Variants in FAM168A observed in about 807,000 individuals in gnomAD.
FAM168A encodes the protein family with sequence similarity 168 member A.
FAM168A carries 3 observed loss-of-function variants against 28.5 expected under a neutral mutation model. The observed-to-expected ratio is 0.11, with a 90% CI of 0.05 to 0.27. The LOEUF (loss-of-function observed/expected upper bound fraction) is 0.27. Ranked by LOEUF, FAM168A falls within the 10% of genes least tolerant of loss-of-function variation. The pLI is 1.00. For synonymous variants in FAM168A, 122 were observed against 124.2 expected (o/e 0.98, Z 0.12); for missense variants, 222 against 311.5 (o/e 0.71, Z 2.16).
chr11:73,534,748 T>C lies in FAM168A; in HGVS notation c.-19+63175A>G, dbSNP rs576861838. 3.3e-5 allele frequency among the ~76,000 whole-genome samples: 5 copies of C among 152,282 alleles called. No homozygotes were observed. In the South Asian group the frequency reaches 6.2e-4, roughly 19 times the overall value. On this transcript the variant is annotated intron_variant, in intron 1 of 7. Coordinates refer to ENST00000356467, the MANE Select transcript of FAM168A (RefSeq NM_015159.3). ...AGAAAGCATGCTAAAATCAGGGGAA[T>C]TGATTACATGAAAATCTGTCTGAGA...
At chr11:73,517,036 G>A (rs747354681) in intron 1 of FAM168A, among the ~76,000 whole-genome samples, 1 of 152,122 alleles carries the variant, frequency 6.6e-6, no homozygotes, top group Non-Finnish European at 1.5e-5. Flanking sequence ...GTAGACAAGA[G>A]CATGTAGTAA....
chr11:73,505,243 A>G (rs1855086011), intron 1 of FAM168A, among the ~76,000 whole-genome samples: 1 of 124,306 alleles, frequency 8.0e-6, no homozygotes. Flanking sequence ...GCAAAAAGGA[A>G]AAAAAAAAAA....
At chr11:73,538,029 C>G (rs1033458658) in intron 1 of FAM168A, among the ~76,000 whole-genome samples, 1 of 152,084 alleles carries the variant, frequency 6.6e-6, no homozygotes, top group African/African-American at 2.4e-5. Context: ...CTCACTGTAA[C>G]CTTGGGAAAG....
chr11:73,491,024 T>C (rs942027204), intron 1 of FAM168A, among the ~76,000 whole-genome samples: 1 of 152,200 alleles, frequency 6.6e-6, no homozygotes, highest in Admixed American at 6.5e-5. Context: ...TTATACATAA[T>C]GAAAGCTCCC....
intron 1 of FAM168A, among the ~76,000 whole-genome samples, chr11:73,547,957 T>C (rs1407173352): frequency 6.6e-6 from 1 of 152,144 alleles, no homozygotes; most frequent in East Asian, 1.9e-4. Flanking sequence ...TCGAAGATAT[T>C]ATACCAAGTG....
rs189033594 is a variant in FAM168A, at chr11:73,511,839, T to C, written c.-18-43347A>G. On this transcript the variant is annotated intron_variant, in intron 1 of 7. Transcript: ENST00000356467. Reference sequence around the variant, plus strand: ...TAGCCTGAGAATCAAATAAGATACATGAGAAGCACATTTCAGCCACTCTGT... The same window carrying C: ...TAGCCTGAGAATCAAATAAGATACACGAGAAGCACATTTCAGCCACTCTGT... Among the ~76,000 whole-genome samples the C allele has an allele frequency of 2.9e-3, 440 of 152,332 alleles. 5 individuals carry two copies. The highest frequency in any genetic ancestry group is 9.3e-3 in the African/African-American group (385 of 41,562).
At position 73,409,596 on chromosome 11, in the gene FAM168A, G is replaced by C. The variant is rs1198172980; in HGVS notation, c.486C>G (p.Val162=). ...QPHVIHHTTV[V]QPNSIPSAIY... ...TAGCAGAGGGAATGCTGTTGGGCTG[G>C]ACGACCGTGGTATGGTGGATGACAT... The change falls in exon 6 of 8, where the codon GTC becomes GTG. Residue 162 remains valine, a synonymous_variant. Coordinates refer to ENST00000356467, the MANE Select transcript of FAM168A (RefSeq NM_015159.3). 1 of 1,614,020 alleles carries C rather than the reference G, an allele frequency of 6.2e-7. No homozygotes were observed. The highest frequency in any genetic ancestry group is 1.3e-5 in the African/African-American group (1 of 75,060).
chr11:73,472,609 A>C, intron 1 of FAM168A, among the ~76,000 whole-genome samples: 1 of 152,242 alleles, frequency 6.6e-6, no homozygotes, highest in East Asian at 1.9e-4. Flanking sequence ...GACAGCAGGA[A>C]AGCAAGAAGA....
intron 2 of FAM168A, among the ~76,000 whole-genome samples, chr11:73,448,769 C>T (rs571336007): frequency 2.0e-5 from 3 of 152,284 alleles, no homozygotes; most frequent in South Asian, 4.2e-4. Context: ...ACTAGAGCTA[C>T]AGCAGCCATC....
chr11:73,521,563 G>A (rs1470072295), intron 1 of FAM168A, among the ~76,000 whole-genome samples: 1 of 152,138 alleles, frequency 6.6e-6, no homozygotes. Flanking sequence ...GGGGATAACT[G>A]CTCCTAATTT....
intron 1 of FAM168A, among the ~76,000 whole-genome samples, chr11:73,542,005 C>T (rs1183640617): frequency 1.3e-5 from 2 of 152,174 alleles, no homozygotes; most frequent in African/African-American, 2.4e-5. Context: ...ATTACCTGAT[C>T]TCTGGTACTC....
At chr11:73,488,975 G>A (rs748617360) in intron 1 of FAM168A, among the ~76,000 whole-genome samples, 1 of 151,986 alleles carries the variant, frequency 6.6e-6, no homozygotes, top group African/African-American at 2.4e-5. Flanking sequence ...TGCAACCTCC[G>A]CCTCCCAGGT....
intron 1 of FAM168A, among the ~76,000 whole-genome samples, chr11:73,500,466 T>C (rs1413622360): frequency 2.0e-5 from 3 of 151,908 alleles, no homozygotes; most frequent in East Asian, 1.9e-4. Context: ...CACCATGTTA[T>C]CCAGGCTGGT....
chr11:73,503,062 C>G (rs1167835886), intron 1 of FAM168A, among the ~76,000 whole-genome samples: 1 of 152,130 alleles, frequency 6.6e-6, no homozygotes, highest in Non-Finnish European at 1.5e-5. Context: ...CAGGCAAAAG[C>G]TGGAAGCATT....
intron 5 of FAM168A, 77 bp from the exon 6 acceptor site, chr11:73,409,738 G>T: frequency 6.9e-7 from 1 of 1,458,326 alleles, no homozygotes; most frequent in South Asian, 1.3e-5. Flanking sequence ...CTGGCTGAAG[G>T]ACACAAGGTC....
At chr11:73,474,166 T>G (rs1867855279) in intron 1 of FAM168A, among the ~76,000 whole-genome samples, 1 of 152,100 alleles carries the variant, frequency 6.6e-6, no homozygotes, top group African/African-American at 2.4e-5. Flanking sequence ...ACAGAATAGC[T>G]GAGACTAGGT....
rs1565248220 is a variant in FAM168A at position 73,445,415 on chromosome 11, G to GTC, written c.71-14647_71-14646dup. On this transcript the variant is annotated intron_variant, in intron 2 of 7. Transcript: ENST00000356467. ...ACACCCAGTAGATATATGTAAAAAT[G>GTC]TCTCTTTTTTTTTTTTTTTTTTTTT... is the stretch of plus-strand genomic sequence containing the variant. Among the ~76,000 whole-genome samples the GTC allele has an allele frequency of 3.5e-4, 34 of 97,110 alleles. 1 individual carries two copies. Among genetic ancestry groups the GTC allele is most frequent in the Admixed American group, 5.5e-4 (5 of 9,160 alleles). 63.7% of individuals were successfully genotyped at this position (97,110 alleles called of 152,430 possible). A position where few individuals can be genotyped will look rare whatever the true frequency, so the allele number is the denominator to read the frequency against.
intron 1 of FAM168A, among the ~76,000 whole-genome samples, chr11:73,475,861 T>C (rs1867881148): frequency 1.3e-5 from 2 of 151,958 alleles, no homozygotes; most frequent in South Asian, 2.1e-4. Flanking sequence ...GCATAGAAAA[T>C]CCAATGCCCA....
chr11:73,426,711 G>C (rs1010273157), intron 3 of FAM168A, among the ~76,000 whole-genome samples: 1 of 151,594 alleles, frequency 6.6e-6, no homozygotes, highest in African/African-American at 2.4e-5. Flanking sequence ...TGCTGTGTGT[G>C]TGTGTGTGTG....
Sources: gnomAD v4.1 joint callset for allele counts (sites outside exome capture counted in the v4.1 genomes callset) on GRCh38, gnomAD v4.1.1 for gene constraint, MANE v1.5 for transcripts, NCBI Gene and HGNC (gene_info 2026-07-23, HGNC 2026-07-21) for gene names.